SHISAL2B: variants seen among roughly 807,000 people sequenced by gnomAD.
The protein encoded by SHISAL2B is shisa like 2B, also known as protein shisa-like-2B.
SHISAL2B carries 12 observed loss-of-function variants against 16.5 expected under a neutral mutation model. That is an observed-to-expected ratio of 0.73 (90% CI 0.47 to 1.18). The LOEUF (loss-of-function observed/expected upper bound fraction) is 1.18. Among genes scored for constraint, SHISAL2B ranks in the 50% most tolerant of loss-of-function variants. SHISAL2B has a pLI of 0.00. For missense variants in SHISAL2B, 183 were observed against 193.6 expected (o/e 0.95, Z 0.33); for synonymous variants, 72 against 75.0 (o/e 0.96, Z 0.21).
chr5:64,694,587 AT>A (rs1481651960), intron 1 of SHISAL2B, among the ~76,000 whole-genome samples: 1 of 152,238 alleles, frequency 6.6e-6, no homozygotes, highest in Non-Finnish European at 1.5e-5. Flanking sequence ...TCAGATACAC[AT>A]TTATTTTTAG....
At chr5:64,696,578 A>C (rs1027040573) in intron 2 of SHISAL2B, among the ~76,000 whole-genome samples, 2 of 152,190 alleles carry the variant, frequency 1.3e-5, no homozygotes, top group African/African-American at 4.8e-5. Flanking sequence ...AAAGGAATGC[A>C]TTCCTGGGGG....
intron 2 of SHISAL2B, among the ~76,000 whole-genome samples, chr5:64,713,242 A>C (rs371002645): frequency 5.4e-5 from 8 of 148,320 alleles, no homozygotes; most frequent in East Asian, 3.9e-4. Flanking sequence ...CTGGTGGTGA[A>C]AAAATCTCTC....
intron 2 of SHISAL2B, among the ~76,000 whole-genome samples, chr5:64,712,931 GTC>G (rs1272890516): frequency 2.0e-5 from 3 of 151,880 alleles, no homozygotes; most frequent in African/African-American, 7.3e-5. Flanking sequence ...GCCTATGTGT[GTC>G]TCTGCATGTG....
At chr5:64,699,653 G>C (rs1178002441) in intron 2 of SHISAL2B, among the ~76,000 whole-genome samples, 1 of 152,078 alleles carries the variant, frequency 6.6e-6, no homozygotes, top group African/African-American at 2.4e-5. Context: ...CAATATTTTA[G>C]GTTAATTTTT....
At chr5:64,691,147 G>C (rs959661370) in intron 1 of SHISAL2B, 7 of 289,982 alleles carry the variant, frequency 2.4e-5, no homozygotes, top group Non-Finnish European at 3.8e-5. Context: ...TCCCCTCGCC[G>C]GGACCAGTCC....
At chr5:64,708,001 T>A (rs1162939416) in intron 2 of SHISAL2B, among the ~76,000 whole-genome samples, 1 of 152,142 alleles carries the variant, frequency 6.6e-6, no homozygotes, top group Non-Finnish European at 1.5e-5. Context: ...TTGAAGAGGA[T>A]CAAAACAAGA....
chr5:64,712,724 T>C (rs1741977003), intron 2 of SHISAL2B, among the ~76,000 whole-genome samples: 1 of 152,190 alleles, frequency 6.6e-6, no homozygotes, highest in Non-Finnish European at 1.5e-5. Context: ...TGGGTGCTCC[T>C]GTATTGGGTG....
At chr5:64,713,505 A>T (rs1741988818) in intron 2 of SHISAL2B, among the ~76,000 whole-genome samples, 1 of 113,230 alleles carries the variant, frequency 8.8e-6, no homozygotes, top group Admixed American at 8.4e-5. Flanking sequence ...GGTGAATCTG[A>T]CAATTATGTG....
chr5:64,690,534 A>C lies in SHISAL2B; in HGVS notation c.-90A>C. 2 of 1,118,316 alleles carry C rather than the reference A, an allele frequency of 1.8e-6. No individual in the cohort carries two copies. The highest frequency in any genetic ancestry group is 2.4e-6 in the Non-Finnish European group (2 of 836,404). The allele number at this position is 1,118,316 out of a possible 1,614,324, so 69.3% of individuals were successfully genotyped here. ...CAGATCGGAAGAGCCGAGTCCGGGC[A>C]GAGGGGTCCGCGGGCTCTGGAGGTG... On this transcript the variant is annotated 5_prime_UTR_variant, in exon 1 of 3. Coordinates refer to ENST00000389074, the MANE Select transcript of SHISAL2B (RefSeq NM_001164442.2).
At chr5:64,696,887 G>A (rs990822991) in intron 2 of SHISAL2B, among the ~76,000 whole-genome samples, 6 of 152,172 alleles carry the variant, frequency 3.9e-5, no homozygotes, top group African/African-American at 1.4e-4. Context: ...GTTGGCTTCA[G>A]AAGCATGTGA....
chr5:64,714,278 G>C (rs1162728587), intron 2 of SHISAL2B, among the ~76,000 whole-genome samples: 2 of 139,530 alleles, frequency 1.4e-5, no homozygotes, highest in African/African-American at 6.0e-5. Flanking sequence ...CTCAGCTGCA[G>C]GTCTGTTGGA....
chr5:64,716,447 T>C (rs2112076310), intron 2 of SHISAL2B, among the ~76,000 whole-genome samples: 1 of 152,296 alleles, frequency 6.6e-6, no homozygotes, highest in East Asian at 1.9e-4. Flanking sequence ...TACTTAAATT[T>C]TAGTGAGAGG....
At chr5:64,701,497 G>A (rs1388523032) in intron 2 of SHISAL2B, among the ~76,000 whole-genome samples, 1 of 152,142 alleles carries the variant, frequency 6.6e-6, no homozygotes, top group Non-Finnish European at 1.5e-5. Flanking sequence ...TATTTATCCT[G>A]GGGCTTTGAA....
chr5:64,701,344 A>T (rs1741807187), intron 2 of SHISAL2B, among the ~76,000 whole-genome samples: 1 of 152,206 alleles, frequency 6.6e-6, no homozygotes, highest in East Asian at 1.9e-4. Flanking sequence ...AATGAGCTTT[A>T]AATTATCTGA....
At chr5:64,709,000 G>A (rs1351765563) in intron 2 of SHISAL2B, among the ~76,000 whole-genome samples, 1 of 151,384 alleles carries the variant, frequency 6.6e-6, no homozygotes, top group Non-Finnish European at 1.5e-5. Context: ...AGTCTTATGG[G>A]TAAGATATGG....
chr5:64,711,031 C>T (rs1425873545), intron 2 of SHISAL2B, among the ~76,000 whole-genome samples: 1 of 142,212 alleles, frequency 7.0e-6, no homozygotes, highest in Non-Finnish European at 1.5e-5. Flanking sequence ...CCTTTTATTT[C>T]CTTCTCCTGC....
intron 2 of SHISAL2B, among the ~76,000 whole-genome samples, chr5:64,696,327 A>G (rs994486180): frequency 1.3e-5 from 2 of 152,204 alleles, no homozygotes; most frequent in Admixed American, 1.3e-4. Flanking sequence ...AACTGTACAA[A>G]TTGATTGTAA....
chr5:64,705,613 A>G (rs536997365), intron 2 of SHISAL2B, among the ~76,000 whole-genome samples: 160 of 152,336 alleles, frequency 1.1e-3, no homozygotes, highest in Middle Eastern at 6.8e-3. Context: ...TTTACCTGCT[A>G]TGATACTAAA....
intron 1 of SHISAL2B, among the ~76,000 whole-genome samples, chr5:64,692,990 T>C (rs538557875): frequency 6.6e-6 from 1 of 152,096 alleles, no homozygotes; most frequent in Non-Finnish European, 1.5e-5. Context: ...GAGTTTTGCA[T>C]GCATAAAGCA....
Sources: allele counts gnomAD v4.1 joint callset (sites outside exome capture counted in the v4.1 genomes callset), GRCh38; gene constraint gnomAD v4.1.1; transcripts MANE v1.5; gene names NCBI Gene and HGNC (gene_info 2026-07-23, HGNC 2026-07-21).